SPIDR: variants seen among roughly 807,000 people sequenced by gnomAD.
SPIDR encodes the protein scaffold protein involved in DNA repair, also known as DNA repair-scaffolding protein.
SPIDR carries 93 observed loss-of-function variants against 104.6 expected under a neutral mutation model. The observed-to-expected ratio is 0.89, with a 90% confidence interval of 0.75 to 1.06. The LOEUF (loss-of-function observed/expected upper bound fraction) is 1.06. Among genes scored for constraint, SPIDR ranks in the 50% least tolerant of loss-of-function variants. The pLI is 0.00. For synonymous variants in SPIDR, 431 were observed against 416.9 expected (o/e 1.03, Z -0.41); for missense variants, 1,154 against 1,111.2 (o/e 1.04, Z -0.55).
chr8:47,344,253 A>C (rs2051397178), intron 5 of SPIDR, among the ~76,000 whole-genome samples: 1 of 152,030 alleles, frequency 6.6e-6, no homozygotes. Flanking sequence ...TTTGTTCAGA[A>C]TGATGGTTTC....
chr8:47,529,946 G>A (rs986989279), intron 8 of SPIDR, among the ~76,000 whole-genome samples: 3 of 152,076 alleles, frequency 2.0e-5, no homozygotes, highest in Admixed American at 6.5e-5. Flanking sequence ...AAAAAAGGAA[G>A]TACAATCATA....
intron 6 of SPIDR, among the ~76,000 whole-genome samples, chr8:47,398,394 G>T (rs891596993): frequency 6.6e-6 from 1 of 151,718 alleles, no homozygotes; most frequent in Admixed American, 6.6e-5. Flanking sequence ...AAGGAGCCAA[G>T]AAGTAAAATA....
At chr8:47,274,876 G>A (rs1245101218) in intron 1 of SPIDR, among the ~76,000 whole-genome samples, 24 of 151,266 alleles carry the variant, frequency 1.6e-4, no homozygotes, top group African/African-American at 5.6e-4. Flanking sequence ...GCCCGGCCTA[G>A]AACAGTTTTA....
At chr8:47,687,510 C>G (rs1424412529) in intron 11 of SPIDR, among the ~76,000 whole-genome samples, 2 of 152,186 alleles carry the variant, frequency 1.3e-5, no homozygotes, top group African/African-American at 4.8e-5. Context: ...GTCTGTATCT[C>G]CTGTATGTAT....
chr8:47,284,470 A>G (rs2038422927), intron 3 of SPIDR, among the ~76,000 whole-genome samples: 1 of 152,146 alleles, frequency 6.6e-6, no homozygotes, highest in African/African-American at 2.4e-5. Flanking sequence ...TAAGAACTAT[A>G]CTGCTTCAGG....
chr8:47,722,731 C>T (rs1250783778), intron 16 of SPIDR, among the ~76,000 whole-genome samples: 2 of 151,910 alleles, frequency 1.3e-5, no homozygotes, highest in African/African-American at 4.8e-5. Context: ...ATCCCATATC[C>T]GAAATGCTTG....
At chr8:47,551,741 T>A (rs1256845892) in intron 8 of SPIDR, among the ~76,000 whole-genome samples, 1 of 152,202 alleles carries the variant, frequency 6.6e-6, no homozygotes, top group Non-Finnish European at 1.5e-5. Flanking sequence ...TCATTAATTT[T>A]TTGAAGGGTT....
chr8:47,411,847 G>A (rs1040289392), intron 7 of SPIDR, among the ~76,000 whole-genome samples: 1 of 152,150 alleles, frequency 6.6e-6, no homozygotes, highest in Non-Finnish European at 1.5e-5. Context: ...TGTAAGGAAG[G>A]GATCCAGTTT....
chr8:47,511,913 G>A lies in SPIDR; in HGVS notation c.1097+71371G>A, dbSNP rs2082388310. The A allele has an allele frequency of 5.0e-6, 4 of 793,772 alleles. No individual in the cohort carries two copies. In the East Asian group the frequency reaches 9.7e-5, roughly 19 times the overall value. The allele number at this position is 793,772 out of a possible 1,614,324, so 49.2% of individuals were successfully genotyped here. A position where few individuals can be genotyped will look rare whatever the true frequency, so the allele number is the denominator to read the frequency against. On this transcript the variant is annotated intron_variant, in intron 8 of 19. Transcript: ENST00000297423. The stretch of plus-strand genomic sequence containing the variant: ...TCATCCTCATCTTGGTCATGAGTGA[G>A]ATCTCTAAAGGATGTCACTCTATTA...
At chr8:47,402,401 A>C (rs1457777122) in intron 6 of SPIDR, among the ~76,000 whole-genome samples, 2 of 152,244 alleles carry the variant, frequency 1.3e-5, no homozygotes, top group Admixed American at 6.5e-5. Context: ...TCAAAAAATC[A>C]GTGAATCCAG....
chr8:47,459,928 A>T (rs1360170198), intron 8 of SPIDR, among the ~76,000 whole-genome samples: 1 of 152,080 alleles, frequency 6.6e-6, no homozygotes, highest in Non-Finnish European at 1.5e-5. Flanking sequence ...TTTAATTTCC[A>T]TGTATTTGCA....
chr8:47,434,292 CTG>C (rs1269104247), intron 7 of SPIDR, among the ~76,000 whole-genome samples: 1 of 152,034 alleles, frequency 6.6e-6, no homozygotes, highest in African/African-American at 2.4e-5. Context: ...TCATGATTCT[CTG>C]TGTGTGTATG....
At chr8:47,590,684 T>A (rs2060900092) in intron 8 of SPIDR, among the ~76,000 whole-genome samples, 1 of 152,242 alleles carries the variant, frequency 6.6e-6, no homozygotes, top group Non-Finnish European at 1.5e-5. Context: ...ATGGTGGTGT[T>A]GTGCTCTTCT....
chr8:47,318,299 A>G (rs2045829839), intron 5 of SPIDR, among the ~76,000 whole-genome samples: 1 of 152,170 alleles, frequency 6.6e-6, no homozygotes, highest in Non-Finnish European at 1.5e-5. Context: ...TGACGAATGC[A>G]CAAGCCTCAG....
intron 10 of SPIDR, among the ~76,000 whole-genome samples, chr8:47,616,160 A>C (rs2064286488): frequency 6.6e-6 from 1 of 152,066 alleles, no homozygotes; most frequent in East Asian, 1.9e-4. Context: ...TTTTTTATTT[A>C]TTTCTTTTTC....
At chr8:47,301,512 A>G (rs2042087467) in intron 5 of SPIDR, among the ~76,000 whole-genome samples, 1 of 151,614 alleles carries the variant, frequency 6.6e-6, no homozygotes, top group Admixed American at 6.6e-5. Flanking sequence ...TATTTTGCTC[A>G]TTAGTTGATG....
chr8:47,331,989 C>CTTTTTTTTTTTTTTTTTTTTTTTTTT (rs1289524835), intron 5 of SPIDR, among the ~76,000 whole-genome samples: 1 of 36,322 alleles, frequency 2.8e-5, no homozygotes, highest in Non-Finnish European at 5.5e-5. Context: ...TTTTTTTTCT[C>CTTTTTTTTTTTTTTTTTTTTTTTTTT]TTTTTTTTTT....
At chr8:47,716,289 C>T (rs139075601) in intron 16 of SPIDR, among the ~76,000 whole-genome samples, 2 of 152,262 alleles carry the variant, frequency 1.3e-5, no homozygotes, top group African/African-American at 2.4e-5. Context: ...TTCAGAATTC[C>T]GAGCGTAATG....
intron 8 of SPIDR, among the ~76,000 whole-genome samples, chr8:47,444,070 A>C (rs1248749324): frequency 6.6e-6 from 1 of 152,264 alleles, no homozygotes; most frequent in Non-Finnish European, 1.5e-5. Context: ...ACATGTAAAA[A>C]TAAAATAGTA....
Sources: allele counts gnomAD v4.1 joint callset (sites outside exome capture counted in the v4.1 genomes callset), GRCh38; gene constraint gnomAD v4.1.1; transcripts MANE v1.5; gene names NCBI Gene and HGNC (gene_info 2026-07-23, HGNC 2026-07-21).